TRAF3: variants seen among roughly 807,000 people sequenced by gnomAD.
The protein encoded by TRAF3 is TNF receptor-associated factor 3.
TRAF3 carries 13 observed loss-of-function variants against 62.3 expected under a neutral mutation model. The ratio of observed to expected loss-of-function variants is 0.21; its 90% CI spans 0.14 to 0.33. TRAF3 has a LOEUF of 0.33. TRAF3 is among the 10% of genes least tolerant of loss of function. The pLI, the probability that TRAF3 is intolerant of heterozygous loss-of-function variation, is 1.00. For missense variants in TRAF3, 440 were observed against 741.8 expected (o/e 0.59, Z 4.73); for synonymous variants, 269 against 283.4 (o/e 0.95, Z 0.51).
intron 2 of TRAF3, among the ~76,000 whole-genome samples, chr14:102,861,857 C>T (rs1339812627): frequency 1.3e-5 from 2 of 152,110 alleles, no homozygotes; most frequent in Non-Finnish European, 2.9e-5. Context: ...CTTGGAGAAA[C>T]GTTTATACAG....
chr14:102,897,683 G>A (rs190243729), intron 10 of TRAF3, among the ~76,000 whole-genome samples: 160 of 152,320 alleles, frequency 1.1e-3, no homozygotes, highest in African/African-American at 3.7e-3. Flanking sequence ...AATAAGATGC[G>A]AAGCTTGTAT....
intron 1 of TRAF3, among the ~76,000 whole-genome samples, chr14:102,823,463 T>C (rs538607881): frequency 2.0e-5 from 3 of 152,366 alleles, no homozygotes; most frequent in African/African-American, 7.2e-5. Context: ...TATATTAAAA[T>C]TAAGATCAAC....
chr14:102,876,595 C>T (rs764727953), intron 6 of TRAF3, 70 bp downstream of exon 6: 145 of 1,570,062 alleles, frequency 9.2e-5, no homozygotes, highest in Non-Finnish European at 1.2e-4. Context: ...GCCTTCCGCT[C>T]AATTCGTAGA....
intron 2 of TRAF3, among the ~76,000 whole-genome samples, chr14:102,865,273 G>A (rs1396071454): frequency 1.3e-5 from 2 of 152,092 alleles, no homozygotes; most frequent in Admixed American, 6.5e-5. Flanking sequence ...GGGGCTGCCG[G>A]CTGGGCTCTG....
chr14:102,882,595 C>G (rs1299444979), intron 6 of TRAF3, among the ~76,000 whole-genome samples: 1 of 151,314 alleles, frequency 6.6e-6, no homozygotes, highest in African/African-American at 2.4e-5. Context: ...TTTGAACACC[C>G]TTATTCTCAT....
chr14:102,832,360 C>G (rs948766314), intron 2 of TRAF3, among the ~76,000 whole-genome samples: 1 of 152,104 alleles, frequency 6.6e-6, no homozygotes. Flanking sequence ...GGTCTGCAAC[C>G]CACTCCATTC....
At chr14:102,780,241 T>C (rs1897219083) in intron 1 of TRAF3, among the ~76,000 whole-genome samples, 1 of 151,606 alleles carries the variant, frequency 6.6e-6, no homozygotes. Flanking sequence ...AGGGGATAGG[T>C]GCCATGTGGT....
chr14:102,849,591 T>G lies in TRAF3; in HGVS notation c.-18+19119T>G, dbSNP rs183032747. ...TTAATCAGGTTCTTTCCTAGGAGTC[T>G]GCCTGAGTCACTTGGTCTGTGTGTC... On this transcript the variant is annotated intron_variant, in intron 2 of 11. Coordinates refer to ENST00000392745, the MANE Select transcript of TRAF3 (RefSeq NM_145725.3). Among the ~76,000 whole-genome samples, 584 of 152,352 alleles carry G rather than the reference T, an allele frequency of 3.8e-3. 4 individuals carry two copies. Among genetic ancestry groups the G allele is most frequent in the African/African-American group, 0.013 (540 of 41,586 alleles).
intron 2 of TRAF3, among the ~76,000 whole-genome samples, chr14:102,841,400 G>C (rs1476356500): frequency 6.6e-6 from 1 of 152,192 alleles, no homozygotes; most frequent in Non-Finnish European, 1.5e-5. Flanking sequence ...AGTTGCACAG[G>C]GCTGGGAATA....
intron 2 of TRAF3, among the ~76,000 whole-genome samples, chr14:102,859,605 C>G (rs1192141742): frequency 6.6e-6 from 1 of 152,184 alleles, no homozygotes; most frequent in Non-Finnish European, 1.5e-5. Flanking sequence ...TTTATTTTAC[C>G]AATAATCTTT....
In TRAF3 at chr14:102,781,873, A is replaced by G. The variant is rs1047382494; in HGVS notation, c.-157+4198A>G. ...AGTGGCGCGATCTCAGCTCACTGCA[A>G]CCTCCACCTCCTGGATTCAGGTGAT... On this transcript the variant is annotated intron_variant, in intron 1 of 11. Transcript: ENST00000392745. 1.1e-4 allele frequency among the ~76,000 whole-genome samples: 16 copies of G among 150,536 alleles called. 1 individual carries two copies. Among genetic ancestry groups the G allele is most frequent in the South Asian group, 4.2e-4 (2 of 4,758 alleles).
At chr14:102,842,168 C>T (rs972960101) in intron 2 of TRAF3, among the ~76,000 whole-genome samples, 3 of 151,260 alleles carry the variant, frequency 2.0e-5, no homozygotes, top group South Asian at 2.1e-4. Context: ...CACTTGAACC[C>T]GGGAGGTGGA....
At chr14:102,893,308 T>G (rs56079030) in intron 9 of TRAF3, among the ~76,000 whole-genome samples, 6,107 of 150,796 alleles carry the variant, frequency 0.04, 409 homozygotes, top group African/African-American at 0.14. Context: ...GAGAGTTGCT[T>G]GAACCCGAGA....
chr14:102,789,364 G>C (rs1290011230), intron 1 of TRAF3, among the ~76,000 whole-genome samples: 2 of 152,060 alleles, frequency 1.3e-5, no homozygotes, highest in Non-Finnish European at 2.9e-5. Context: ...TATTTCACTT[G>C]GGTATATACC....
At position 102,855,657 on chromosome 14, in the gene TRAF3, G is replaced by A. The variant is rs184514201; in HGVS notation, c.-17-14528G>A. ...CTAAAATACAAAAAATTAGCCAGGC[G>A]TGGTGGCACCAGCCTGTAGTCCCAG... On this transcript the variant is annotated intron_variant, in intron 2 of 11. Transcript: ENST00000392745. Among the ~76,000 whole-genome samples, 262 of 152,120 alleles carry A rather than the reference G, an allele frequency of 1.7e-3. 1 individual carries two copies. The highest frequency in any genetic ancestry group is 6.1e-3 in the African/African-American group (255 of 41,498).
intron 1 of TRAF3, among the ~76,000 whole-genome samples, chr14:102,804,942 C>A (rs758266551): frequency 2.6e-5 from 4 of 152,134 alleles, no homozygotes; most frequent in Admixed American, 2.0e-4. Flanking sequence ...AGAAAAAATG[C>A]CAGTGGTTCT....
chr14:102,897,268 T>C lies in TRAF3; in HGVS notation c.827T>C (p.Leu276Ser). The C allele has an allele frequency of 1.1e-5, 17 of 1,612,816 alleles. No homozygotes were observed. The highest frequency in any genetic ancestry group is 1.4e-5 in the Non-Finnish European group (17 of 1,179,448). ...WSNSLEKKVS[L>S]LQNESVEKNK... The stretch of plus-strand genomic sequence containing the variant: ...AAAGAATTTCTTTTTTAGGTTTCCT[T>C]GTTGCAGAATGAAAGTGTAGAAAAA... Residue 276 changes from leucine (L) to serine (S), a missense_variant, in exon 10 of 12, where the codon TTG becomes TCG. By Grantham distance (145) the Leu-to-Ser change is moderately radical. This residue lies in a region of TRAF3 where 255 missense variants were observed against 424.1 expected (regional missense o/e 0.60). Coordinates refer to ENST00000392745, the MANE Select transcript of TRAF3 (RefSeq NM_145725.3).
Position 102,908,136 on chromosome 14 carries a change from G to A in TRAF3, c.*2352G>A, listed in dbSNP as rs1243184808. The A allele has an allele frequency of 6.6e-6, 1 of 152,310 alleles. No homozygotes were observed. The highest frequency in any genetic ancestry group is 1.5e-5 in the Non-Finnish European group (1 of 68,078). 9.4% of individuals were successfully genotyped at this position (152,310 alleles called of 1,614,324 possible). Reference sequence around the variant, plus strand: ...CTCCCCTCTGGGTTGAAGTCCTGGTGTGGCCCCCAGAAGCAGCAGTGCGTG... The same window carrying A: ...CTCCCCTCTGGGTTGAAGTCCTGGTATGGCCCCCAGAAGCAGCAGTGCGTG... On this transcript the variant is annotated 3_prime_UTR_variant, in exon 12 of 12. Coordinates refer to ENST00000392745, the MANE Select transcript of TRAF3 (RefSeq NM_145725.3).
intron 1 of TRAF3, among the ~76,000 whole-genome samples, chr14:102,824,900 A>G (rs543453659): frequency 6.6e-6 from 1 of 152,330 alleles, no homozygotes; most frequent in East Asian, 1.9e-4. Flanking sequence ...ACATTTTGAG[A>G]CAGCTAATCC....
Sources: gnomAD v4.1 joint callset for allele counts (sites outside exome capture counted in the v4.1 genomes callset) on GRCh38, gnomAD v4.1.1 for gene constraint, gnomAD v4.1.1 regional missense constraint, MANE v1.5 for transcripts, NCBI Gene and HGNC (gene_info 2026-07-23, HGNC 2026-07-21) for gene names.